The following LRRC7 variants were observed in gnomAD, a reference collection of about 807,000 sequenced individuals.
LRRC7 encodes the protein leucine-rich repeat-containing protein 7.
Under a neutral mutation model 175.7 loss-of-function variants are expected in LRRC7, and 23 were observed. The observed-to-expected ratio is 0.13, with a 90% confidence interval of 0.09 to 0.19. The LOEUF (loss-of-function observed/expected upper bound fraction) is 0.19, where lower values mean the gene tolerates loss of function less well. Among genes scored for constraint, LRRC7 ranks in the 10% least tolerant of loss-of-function variants. The pLI is 1.00. For synonymous variants in LRRC7, 685 were observed against 680.9 expected (o/e 1.01, Z -0.09); for missense variants, 1,354 against 1,904.7 (o/e 0.71, Z 5.38).
At chr1:70,115,208 T>G (rs1184861107) in intron 26 of LRRC7, among the ~76,000 whole-genome samples, 1 of 152,242 alleles carries the variant, frequency 6.6e-6, no homozygotes, top group Non-Finnish European at 1.5e-5. Flanking sequence ...TAATTATCCT[T>G]GACTACAAAG....
chr1:69,764,999 C>G (rs1466253462), intron 3 of LRRC7, among the ~76,000 whole-genome samples: 1 of 151,982 alleles, frequency 6.6e-6, no homozygotes, highest in African/African-American at 2.4e-5. Flanking sequence ...TTCTCTTTAT[C>G]TGAAATCTTC....
chr1:69,737,761 T>C (rs1668281313), intron 2 of LRRC7, among the ~76,000 whole-genome samples: 1 of 152,112 alleles, frequency 6.6e-6, no homozygotes, highest in African/African-American at 2.4e-5. Context: ...ATAAAGACTG[T>C]TGTGCAATAC....
chr1:69,747,631 C>A (rs944356176), intron 2 of LRRC7, among the ~76,000 whole-genome samples: 3 of 151,994 alleles, frequency 2.0e-5, no homozygotes, highest in Non-Finnish European at 2.9e-5. Context: ...TCATCATTTT[C>A]TAAATAATTT....
chr1:69,817,478 C>T (rs891641929), intron 4 of LRRC7, among the ~76,000 whole-genome samples: 33 of 151,942 alleles, frequency 2.2e-4, no homozygotes, highest in African/African-American at 7.5e-4. Context: ...TAATTTATTC[C>T]AATGATCTCT....
At chr1:70,098,820 CAAT>C (rs1040301871) in intron 25 of LRRC7, among the ~76,000 whole-genome samples, 187 of 151,212 alleles carry the variant, frequency 1.2e-3, no homozygotes, top group African/African-American at 4.3e-3. Context: ...GAAATTGTGG[CAAT>C]AATCAATAGC....
rs542888193 is a variant in LRRC7 at position 70,031,655 on chromosome 1, A to G, written c.1995+3284A>G. The stretch of plus-strand genomic sequence containing the variant: ...TATTAATGGCATACATGCACCTGTT[A>G]AACACCACCTATCTTCTCACAGCTA... On this transcript the variant is annotated intron_variant, in intron 18 of 26. Coordinates refer to ENST00000651989, the MANE Select transcript of LRRC7 (RefSeq NM_001370785.2). Among the ~76,000 whole-genome samples the G allele has an allele frequency of 8.5e-5, 13 of 152,290 alleles. No homozygotes were observed. In the South Asian group the frequency reaches 2.5e-3, roughly 29 times the overall value.
At chr1:69,592,086 C>T (rs573669062) in intron 1 of LRRC7, among the ~76,000 whole-genome samples, 1 of 152,128 alleles carries the variant, frequency 6.6e-6, no homozygotes, top group East Asian at 1.9e-4. Context: ...CTTTGTGCTG[C>T]TTGCTATAGG....
intron 1 of LRRC7, among the ~76,000 whole-genome samples, chr1:69,575,942 G>T (rs145405664): frequency 6.6e-6 from 1 of 152,172 alleles, no homozygotes; most frequent in Non-Finnish European, 1.5e-5. Context: ...GAAGTTTTTT[G>T]CATTATTAAG....
chr1:69,963,369 A>G (rs1351301662), intron 8 of LRRC7, among the ~76,000 whole-genome samples: 2 of 152,124 alleles, frequency 1.3e-5, no homozygotes, highest in Admixed American at 1.3e-4. Flanking sequence ...CCAGATTGCA[A>G]GATCAAGCAT....
Position 70,091,242 on chromosome 1 carries a change from A to G in LRRC7, c.4545+1423A>G, listed in dbSNP as rs138693799. On this transcript the variant is annotated intron_variant, in intron 25 of 26. Coordinates refer to ENST00000651989, the MANE Select transcript of LRRC7 (RefSeq NM_001370785.2). ...ATTAAAATATTCATGGCTTAGACCA[A>G]CTGTTTACTTAATTTTAATAAATTA... is the stretch of plus-strand genomic sequence containing the variant. Among the ~76,000 whole-genome samples, 210 of 152,304 alleles carry G rather than the reference A, an allele frequency of 1.4e-3. 6 individuals carry two copies. The highest frequency in any genetic ancestry group is 0.012 in the East Asian group (62 of 5,192).
At chr1:69,613,034 T>C (rs1407754885) in intron 1 of LRRC7, among the ~76,000 whole-genome samples, 1 of 152,082 alleles carries the variant, frequency 6.6e-6, no homozygotes, top group Admixed American at 6.6e-5. Flanking sequence ...CCTGAAATAA[T>C]CTTGCCTACC....
At chr1:69,931,684 T>C in intron 8 of LRRC7, 114 bp downstream of exon 8, 1 of 828,586 alleles carries the variant, frequency 1.2e-6, no homozygotes, top group Non-Finnish European at 1.9e-6. Flanking sequence ...TTGCTAAATG[T>C]AAAAGTAAAA....
At chr1:69,869,251 G>A (rs558170348) in intron 7 of LRRC7, among the ~76,000 whole-genome samples, 1 of 152,228 alleles carries the variant, frequency 6.6e-6, no homozygotes, top group African/African-American at 2.4e-5. Context: ...TGTTAACAGA[G>A]ATGGAGAGAA....
chr1:69,943,490 G>GGC, intron 8 of LRRC7, among the ~76,000 whole-genome samples: 1 of 151,970 alleles, frequency 6.6e-6, no homozygotes, highest in Non-Finnish European at 1.5e-5. Context: ...GAGAAATGAT[G>GGC]AAAATATACT....
intron 1 of LRRC7, among the ~76,000 whole-genome samples, chr1:69,669,288 G>C (rs1017846878): frequency 2.6e-5 from 4 of 152,058 alleles, no homozygotes; most frequent in African/African-American, 9.7e-5. Flanking sequence ...TTCAGCCTTT[G>C]TTTGTCTGGG....
At chr1:69,725,400 A>T (rs1666842043) in intron 2 of LRRC7, among the ~76,000 whole-genome samples, 2 of 152,174 alleles carry the variant, frequency 1.3e-5, no homozygotes, top group Non-Finnish European at 2.9e-5. Flanking sequence ...CCAAGTTCAT[A>T]TCCTACTGAA....
intron 22 of LRRC7, among the ~76,000 whole-genome samples, chr1:70,048,540 A>G (rs181620633): frequency 6.6e-6 from 1 of 152,246 alleles, no homozygotes; most frequent in Admixed American, 6.5e-5. Flanking sequence ...TAACATTTTC[A>G]TAGAACATGA....
intron 23 of LRRC7, among the ~76,000 whole-genome samples, chr1:70,066,733 C>T (rs543183121): frequency 1.3e-5 from 2 of 152,172 alleles, no homozygotes; most frequent in Admixed American, 1.3e-4. Flanking sequence ...TCATAAGTCT[C>T]TGGGATGAAT....
At position 70,143,924 on chromosome 1, in the gene LRRC7, A is replaced by C. The variant is rs1667194736; in HGVS notation, c.*22037A>C. 1.3e-5 allele frequency: 2 copies of C among 152,198 alleles called. No individual in the cohort carries two copies. Among genetic ancestry groups the C allele is most frequent in the South Asian group, 4.1e-4 (2 of 4,836 alleles). The allele number at this position is 152,198 out of a possible 1,614,324, so 9.4% of individuals were successfully genotyped here. A position where few individuals can be genotyped will look rare whatever the true frequency, so the allele number is the denominator to read the frequency against. ...AGTTGAACTACATATTGATGTAAAT[A>C]AAACTGAATGAAGACATATTTACTA... On this transcript the variant is annotated 3_prime_UTR_variant, in exon 27 of 27. Transcript: ENST00000651989.
Sources: allele counts gnomAD v4.1 joint callset (sites outside exome capture counted in the v4.1 genomes callset), GRCh38; gene constraint gnomAD v4.1.1; transcripts MANE v1.5; gene names NCBI Gene and HGNC (gene_info 2026-07-23, HGNC 2026-07-21).